The following UBL3 variants were observed in gnomAD, a reference collection of about 807,000 sequenced individuals.
UBL3 encodes the protein ubiquitin like 3, also known as ubiquitin-like protein 3.
A neutral mutation model predicts 18.4 loss-of-function variants in UBL3; 6 were observed. The observed-to-expected ratio is 0.33, with a 90% CI of 0.18 to 0.64. UBL3 has a LOEUF of 0.64. Ranked by LOEUF, UBL3 falls within the 30% of genes least tolerant of loss-of-function variation. The pLI is 0.76. For synonymous variants in UBL3, 49 were observed against 46.6 expected (o/e 1.05, Z -0.21); for missense variants, 109 against 142.9 (o/e 0.76, Z 1.21).
rs534133819 is a variant in UBL3 at position 29,793,640 on chromosome 13, T to C, written c.28-16377A>G. Among the ~76,000 whole-genome samples, 5 of 152,250 alleles carry C rather than the reference T, an allele frequency of 3.3e-5. No homozygotes were observed. The South Asian group carries it at 8.3e-4, about 25-fold the overall frequency. Reference sequence around the variant, plus strand: ...ATATAGCCTATACTCACTTCTATTATCTACAATTATCTACACCTACAATCC... The same window carrying C: ...ATATAGCCTATACTCACTTCTATTACCTACAATTATCTACACCTACAATCC... On this transcript the variant is annotated intron_variant, in intron 1 of 4. Transcript: ENST00000380680.
intron 1 of UBL3, among the ~76,000 whole-genome samples, chr13:29,779,820 T>C (rs1002412330): frequency 2.6e-5 from 4 of 152,134 alleles, no homozygotes; most frequent in Admixed American, 1.3e-4. Context: ...AAAATCTGTA[T>C]TGAAGTTTTA....
At chr13:29,781,004 T>C (rs1181940133) in intron 1 of UBL3, among the ~76,000 whole-genome samples, 1 of 152,018 alleles carries the variant, frequency 6.6e-6, no homozygotes, top group Non-Finnish European at 1.5e-5. Flanking sequence ...TGAAACCCGG[T>C]CTCTAATAAA....
intron 1 of UBL3, among the ~76,000 whole-genome samples, chr13:29,784,299 A>C (rs1268647666): frequency 6.6e-6 from 1 of 152,184 alleles, no homozygotes; most frequent in Non-Finnish European, 1.5e-5. Flanking sequence ...AATTACAGAG[A>C]TGGACCATGC....
intron 1 of UBL3, among the ~76,000 whole-genome samples, chr13:29,834,359 A>G (rs772468312): frequency 7.9e-5 from 12 of 151,992 alleles, no homozygotes; most frequent in Admixed American, 3.9e-4. Context: ...TGTTTTCTTC[A>G]TATATGACAT....
chr13:29,803,975 ATACATTCTTCAGAATG>A (rs1303481365), intron 1 of UBL3, among the ~76,000 whole-genome samples: 3 of 151,992 alleles, frequency 2.0e-5, no homozygotes, highest in Admixed American at 1.3e-4. Context: ...ACCAAAAAAC[ATACATTCTTCAGAATG>A]TATATTCTTC....
At chr13:29,767,496 G>T in intron 4 of UBL3, 122 bp downstream of exon 4, 1 of 1,212,946 alleles carries the variant, frequency 8.2e-7, no homozygotes, top group South Asian at 1.5e-5. Context: ...TTATTTGCTT[G>T]ACAATCTCTA....
Position 29,799,155 on chromosome 13 carries a change from T to C in UBL3, c.28-21892A>G, listed in dbSNP as rs77538550. On this transcript the variant is annotated intron_variant, in intron 1 of 4. Coordinates refer to ENST00000380680, the MANE Select transcript of UBL3 (RefSeq NM_007106.4). ...GTGCATTGTAGGAGGTATAATATCA[T>C]CTCTTGCTTCTATCCACTAGATATC... 1.8e-3 allele frequency among the ~76,000 whole-genome samples: 272 copies of C among 152,264 alleles called. 4 individuals carry two copies. The East Asian group carries it at 0.044, about 25-fold the overall frequency.
At chr13:29,822,614 T>C (rs1593669202) in intron 1 of UBL3, among the ~76,000 whole-genome samples, 1 of 152,224 alleles carries the variant, frequency 6.6e-6, no homozygotes, top group African/African-American at 2.4e-5. Context: ...CACAGCTCAC[T>C]GCAGTCTCAA....
At chr13:29,789,923 G>A (rs987321609) in intron 1 of UBL3, among the ~76,000 whole-genome samples, 15 of 152,160 alleles carry the variant, frequency 9.9e-5, no homozygotes, top group African/African-American at 1.4e-4. Flanking sequence ...TGAAAGAGCA[G>A]AATATACCCA....
At chr13:29,768,892 A>G (rs1876763307) in intron 3 of UBL3, among the ~76,000 whole-genome samples, 1 of 152,066 alleles carries the variant, frequency 6.6e-6, no homozygotes, top group Non-Finnish European at 1.5e-5. Context: ...ACTGAACTTA[A>G]AATGTACACA....
At chr13:29,792,673 T>TA in intron 1 of UBL3, among the ~76,000 whole-genome samples, 1 of 152,342 alleles carries the variant, frequency 6.6e-6, no homozygotes, top group Admixed American at 6.5e-5. Context: ...TTCTTATTTA[T>TA]ACATAGATGT....
intron 4 of UBL3, 28 bp downstream of exon 4, chr13:29,767,590 T>A (rs778870384): frequency 1.9e-5 from 31 of 1,608,032 alleles, no homozygotes; most frequent in Non-Finnish European, 2.6e-5. Context: ...GTGCCTCAAC[T>A]GAGATACTTT....
At chr13:29,831,674 AAAAGAAAGGCTG>A (rs1287501949) in intron 1 of UBL3, among the ~76,000 whole-genome samples, 1 of 151,982 alleles carries the variant, frequency 6.6e-6, no homozygotes, top group Non-Finnish European at 1.5e-5. Context: ...CAGAAAAGTT[AAAAGAAAGGCTG>A]ATGACAGCTT....
intron 3 of UBL3, among the ~76,000 whole-genome samples, chr13:29,769,524 A>G (rs1386025830): frequency 6.6e-6 from 1 of 152,068 alleles, no homozygotes; most frequent in Non-Finnish European, 1.5e-5. Context: ...TCAATTCACT[A>G]GTAAAATTAG....
At chr13:29,787,370 T>G (rs1054335622) in intron 1 of UBL3, among the ~76,000 whole-genome samples, 3 of 152,208 alleles carry the variant, frequency 2.0e-5, no homozygotes, top group African/African-American at 7.2e-5. Context: ...AACTATATAA[T>G]GCTCTTTCCT....
At chr13:29,834,237 T>C (rs1278347741) in intron 1 of UBL3, among the ~76,000 whole-genome samples, 1 of 151,204 alleles carries the variant, frequency 6.6e-6, no homozygotes, top group Non-Finnish European at 1.5e-5. Flanking sequence ...TGTAGACTAG[T>C]ATGTAATCAT....
rs570437011 is a variant in UBL3 at position 29,848,054 on chromosome 13, C to A, written c.27+1458G>T. Among the ~76,000 whole-genome samples, 4 of 152,090 alleles carry A rather than the reference C, an allele frequency of 2.6e-5. No individual in the cohort carries two copies. In the South Asian group the frequency reaches 8.3e-4, roughly 32 times the overall value. ...TAAACAAGAGCAAAATTCCTTTAAA[C>A]CAAGGTCAAAATAAGCCATTTAGAA... On this transcript the variant is annotated intron_variant, in intron 1 of 4. Transcript: ENST00000380680.
At chr13:29,837,369 C>A (rs1024657877) in intron 1 of UBL3, among the ~76,000 whole-genome samples, 1 of 151,358 alleles carries the variant, frequency 6.6e-6, no homozygotes, top group Non-Finnish European at 1.5e-5. Flanking sequence ...ATAAAAAATA[C>A]AAAAACTAAA....
intron 3 of UBL3, among the ~76,000 whole-genome samples, chr13:29,771,180 C>G (rs1876831374): frequency 6.6e-6 from 1 of 151,898 alleles, no homozygotes; most frequent in Non-Finnish European, 1.5e-5. Context: ...AATATTCTAC[C>G]TTTAAGGAAA....
Sources: allele counts gnomAD v4.1 joint callset (sites outside exome capture counted in the v4.1 genomes callset), GRCh38; gene constraint gnomAD v4.1.1; transcripts MANE v1.5; gene names NCBI Gene and HGNC (gene_info 2026-07-23, HGNC 2026-07-21).